The following ABI3BP variants were observed in gnomAD, a reference collection of about 807,000 sequenced individuals.
ABI3BP encodes the protein ABI family member 3 binding protein, also known as target of Nesh-SH3.
A neutral mutation model predicts 268.6 loss-of-function variants in ABI3BP; 216 were observed. That is an observed-to-expected ratio of 0.80 (90% CI 0.72 to 0.90). ABI3BP has a LOEUF of 0.90. Among genes scored for constraint, ABI3BP ranks in the 40% least tolerant of loss-of-function variants. The pLI is 0.00. For synonymous variants in ABI3BP, 730 were observed against 730.0 expected, an observed-to-expected ratio of 1.00 and a Z score of 0.00; for missense variants, 2,090 against 2,182.4, an observed-to-expected ratio of 0.96 and a Z score of 0.84.
chr3:100,763,463 C>CAAA (rs1418781949), intron 63 of ABI3BP, among the ~76,000 whole-genome samples: 3 of 109,334 alleles, frequency 2.7e-5, no homozygotes, highest in Admixed American at 9.7e-5. Context: ...GACTCTGTCT[C>CAAA]AAAAAAAAAA....
At position 100,813,648 on chromosome 3, in the gene ABI3BP, A is replaced by G; in HGVS notation, c.3364+13T>C. 3 of 1,528,824 alleles carry G rather than the reference A, an allele frequency of 2.0e-6. No individual in the cohort carries two copies. In the South Asian group the frequency reaches 3.6e-5, roughly 18 times the overall value. 94.7% of individuals were successfully genotyped at this position (1,528,824 alleles called of 1,614,324 possible). On this transcript the variant is annotated intron_variant, in intron 45 of 67. Transcript: ENST00000471714. Reference sequence around the variant, plus strand: ...CACACAGTATACCCAGACAGATAAAACAATCTATTTACCAGGTTGACTTTC... The same window carrying G: ...CACACAGTATACCCAGACAGATAAAGCAATCTATTTACCAGGTTGACTTTC...
chr3:100,882,695 G>GA (rs1033451312), intron 6 of ABI3BP, among the ~76,000 whole-genome samples: 1 of 151,680 alleles, frequency 6.6e-6, no homozygotes. Context: ...TATTGAGGGG[G>GA]AAAAAAATTA....
Position 100,761,765 on chromosome 3 carries a change from T to C in ABI3BP, c.4850+4076A>G, listed in dbSNP as rs2095964784. On this transcript the variant is annotated intron_variant, in intron 63 of 67. Transcript: ENST00000471714. ...GCCTTGTTTCTCCTGGGTTAAGTGTTGTAACGTGAAGCTCTACTCCACCCA... is the reference window on the plus strand; with the variant it reads ...GCCTTGTTTCTCCTGGGTTAAGTGTCGTAACGTGAAGCTCTACTCCACCCA... Among the ~76,000 whole-genome samples the C allele has an allele frequency of 1.3e-5, 2 of 150,054 alleles. 1 individual carries two copies. Among genetic ancestry groups the C allele is most frequent in the South Asian group, 4.1e-4 (2 of 4,830 alleles).
At chr3:100,908,798 G>A (rs1266525789) in intron 2 of ABI3BP, among the ~76,000 whole-genome samples, 3 of 152,160 alleles carry the variant, frequency 2.0e-5, no homozygotes, top group African/African-American at 7.2e-5. Context: ...CTCATGGATA[G>A]GAAGAATCAA....
intron 2 of ABI3BP, among the ~76,000 whole-genome samples, chr3:100,916,679 G>A (rs558587914): frequency 1.6e-4 from 25 of 152,318 alleles, no homozygotes; most frequent in Admixed American, 1.6e-3. Flanking sequence ...TGGTTGATAA[G>A]AAGTGCCACT....
rs188190250 is a variant in ABI3BP, at chr3:100,764,241, C to T, written c.4850+1600G>A. 2.4e-3 allele frequency among the ~76,000 whole-genome samples: 365 copies of T among 152,284 alleles called. 2 individuals are homozygous for T. The highest frequency in any genetic ancestry group is 8.1e-3 in the African/African-American group (338 of 41,560). ...TTCTTCAGGAAGATTTTCCTAATTT[C>T]TGATGACGTTGCGTAGTGCCTCCCA... On this transcript the variant is annotated intron_variant, in intron 63 of 67. Coordinates refer to ENST00000471714, the MANE Select transcript of ABI3BP (RefSeq NM_001375547.2).
At chr3:100,980,875 G>A (rs2153951597) in intron 1 of ABI3BP, among the ~76,000 whole-genome samples, 1 of 152,270 alleles carries the variant, frequency 6.6e-6, no homozygotes, top group East Asian at 1.9e-4. Flanking sequence ...AAGATCCACT[G>A]GAAAACAGCA....
At position 100,899,014 on chromosome 3, in the gene ABI3BP, C is replaced by T. The variant is rs2048944860; in HGVS notation, c.329-120G>A. 4 of 1,095,350 alleles carry T rather than the reference C, an allele frequency of 3.7e-6. No homozygotes were observed. In the Admixed American group the frequency reaches 9.6e-5, roughly 26 times the overall value. The allele number at this position is 1,095,350 out of a possible 1,614,324, so 67.9% of individuals were successfully genotyped here. On this transcript the variant is annotated intron_variant, in intron 3 of 67. Coordinates refer to ENST00000471714, the MANE Select transcript of ABI3BP (RefSeq NM_001375547.2). ...TGCAAAATGTGAAAACATCAAGTTC[C>T]TTTCCTTTTCTATAGTCCACATTAT...
At chr3:100,829,537 G>T in intron 33 of ABI3BP, 44 bp downstream of exon 33, 1 of 1,479,618 alleles carries the variant, frequency 6.8e-7, no homozygotes. Flanking sequence ...GGGTCCCACT[G>T]GGGTGGGCTG....
At chr3:100,920,978 G>A (rs1485545481) in intron 2 of ABI3BP, among the ~76,000 whole-genome samples, 2 of 152,110 alleles carry the variant, frequency 1.3e-5, no homozygotes, top group Non-Finnish European at 2.9e-5. Flanking sequence ...CCTTGTCCAG[G>A]ACTTTTTTCA....
intron 51 of ABI3BP, among the ~76,000 whole-genome samples, chr3:100,798,559 CTAT>C (rs1326975069): frequency 6.6e-6 from 1 of 151,604 alleles, no homozygotes; most frequent in Non-Finnish European, 1.5e-5. Flanking sequence ...ATAATATTTA[CTAT>C]TATTATAATT....
chr3:100,852,028 T>A (rs978287111), intron 14 of ABI3BP, 88 bp from the exon 15 acceptor site: 6 of 1,231,892 alleles, frequency 4.9e-6, no homozygotes, highest in African/African-American at 1.5e-5. Flanking sequence ...CATGTTGTAA[T>A]GCTGGTTGAA....
chr3:100,786,763 G>C (rs905210461), intron 57 of ABI3BP, among the ~76,000 whole-genome samples: 2 of 152,088 alleles, frequency 1.3e-5, no homozygotes, highest in South Asian at 4.2e-4. Context: ...AAGAGTAGCT[G>C]AGCACAAATA....
chr3:100,850,799 A>T, intron 15 of ABI3BP, 65 bp from the exon 16 acceptor site: 2 of 1,269,966 alleles, frequency 1.6e-6, no homozygotes, highest in Non-Finnish European at 2.3e-6. Context: ...ATACAAATTC[A>T]TGAGTAATAA....
rs760858846 is a variant in ABI3BP, at chr3:100,804,840, C to T, written c.3709G>A (p.Ala1237Thr). 40 of 1,612,902 alleles carry T rather than the reference C, an allele frequency of 2.5e-5. No individual in the cohort carries two copies. In the Admixed American group the frequency reaches 6.3e-4, roughly 26 times the overall value. ...PVPKVPQRVT[A>T]KPKTSPSPEV... ...GGACTTGGTGACGTTTTTGGTTTTGCAGTAACACGCTGGGGCACCTTAGGA... is the reference window on the plus strand; with the variant it reads ...GGACTTGGTGACGTTTTTGGTTTTGTAGTAACACGCTGGGGCACCTTAGGA... Residue 1237 changes from alanine (A) to threonine (T), a missense_variant, in exon 51 of 68, where the codon GCA becomes ACA. Coordinates refer to ENST00000471714, the MANE Select transcript of ABI3BP (RefSeq NM_001375547.2).
In ABI3BP at chr3:100,877,539, G is replaced by A. The variant is rs76425552; in HGVS notation, c.697-979C>T. Among the ~76,000 whole-genome samples the A allele has an allele frequency of 7.2e-4, 109 of 152,252 alleles. 1 individual carries two copies. The East Asian group carries it at 9.7e-3, about 13-fold the overall frequency. On this transcript the variant is annotated intron_variant, in intron 6 of 67. Transcript: ENST00000471714. ...CAGAAGTCCCACAGGAGGTTCTGAC[G>A]TCATAAAGTAGCCTGACCTAGGGAT...
At chr3:100,866,790 G>C in intron 10 of ABI3BP, 89 bp downstream of exon 10, 1 of 1,052,882 alleles carries the variant, frequency 9.5e-7, no homozygotes, top group Non-Finnish European at 1.4e-6. Context: ...TTTCCTACTG[G>C]CTCTTTACTG....
chr3:100,913,476 G>A (rs549686409), intron 2 of ABI3BP, among the ~76,000 whole-genome samples: 4 of 152,246 alleles, frequency 2.6e-5, no homozygotes, highest in South Asian at 2.1e-4. Context: ...GAAGGATGGC[G>A]TCACTTCTGG....
chr3:100,975,684 C>T (rs2085815031), intron 1 of ABI3BP, among the ~76,000 whole-genome samples: 1 of 152,072 alleles, frequency 6.6e-6, no homozygotes, highest in African/African-American at 2.4e-5. Flanking sequence ...CAAAACAATC[C>T]TTCCCTGGCA....
Sources: gnomAD v4.1 joint callset for allele counts (sites outside exome capture counted in the v4.1 genomes callset) on GRCh38, gnomAD v4.1.1 for gene constraint, MANE v1.5 for transcripts, NCBI Gene and HGNC (gene_info 2026-07-23, HGNC 2026-07-21) for gene names.